Variants in KIF2C observed in about 807,000 individuals in gnomAD.
The protein encoded by KIF2C is kinesin family member 2C.
KIF2C carries 34 observed loss-of-function variants against 97.4 expected under a neutral mutation model. The ratio of observed to expected loss-of-function variants is 0.35; its 90% CI spans 0.27 to 0.46. The LOEUF (loss-of-function observed/expected upper bound fraction) is 0.46, where lower values mean the gene tolerates loss of function less well. KIF2C is among the 20% of genes least tolerant of loss of function. KIF2C has a pLI of 1.00. For synonymous variants in KIF2C, 313 were observed against 318.2 expected, an observed-to-expected ratio of 0.98 and a Z score of 0.17; for missense variants, 750 against 907.6, an observed-to-expected ratio of 0.83 and a Z score of 2.23.
intron 19 of KIF2C, among the ~76,000 whole-genome samples, chr1:44,764,032 C>T (rs1180124970): frequency 7.4e-6 from 1 of 134,838 alleles, no homozygotes; most frequent in Non-Finnish European, 1.5e-5. Flanking sequence ...GACTCCATCT[C>T]AGAAAAAAAA....
intron 20 of KIF2C, 25 bp from the exon 21 acceptor site, chr1:44,767,072 T>C (rs373964476): frequency 1.1e-4 from 179 of 1,613,130 alleles, no homozygotes; most frequent in Non-Finnish European, 1.4e-4. Flanking sequence ...ACTAACCCCA[T>C]ATGTACCGCT....
At chr1:44,762,518 A>G (rs745972767) in intron 18 of KIF2C, 27 bp from the exon 19 acceptor site, 1 of 1,610,940 alleles carries the variant, frequency 6.2e-7, no homozygotes, top group South Asian at 1.1e-5. Flanking sequence ...TGGGTCACAT[A>G]ATTGTCTTTC....
chr1:44,762,019 G>A, intron 17 of KIF2C, 36 bp downstream of exon 17: 2 of 1,585,030 alleles, frequency 1.3e-6, no homozygotes, highest in African/African-American at 1.3e-5. Flanking sequence ...ATGCGGAACA[G>A]GACTGGGCAA....
intron 3 of KIF2C, 44 bp downstream of exon 3, chr1:44,747,529 C>G: frequency 1.3e-6 from 2 of 1,581,758 alleles, no homozygotes; most frequent in South Asian, 1.1e-5. Flanking sequence ...CCAGAGAATT[C>G]ACTTTGCTTA....
At chr1:44,742,493 G>A (rs1049258511) in intron 2 of KIF2C, among the ~76,000 whole-genome samples, 34 of 151,734 alleles carry the variant, frequency 2.2e-4, no homozygotes, top group Admixed American at 5.2e-4. Context: ...CGAGGTGGGC[G>A]GATCACTTGA....
chr1:44,756,989 C>G (rs1487770407), intron 10 of KIF2C, among the ~76,000 whole-genome samples: 1 of 152,078 alleles, frequency 6.6e-6, no homozygotes, highest in African/African-American at 2.4e-5. Flanking sequence ...GAGATCTCAG[C>G]TCACTGCAAC....
intron 5 of KIF2C, among the ~76,000 whole-genome samples, chr1:44,751,076 CA>C (rs1298172385): frequency 6.6e-6 from 1 of 152,242 alleles, no homozygotes; most frequent in Non-Finnish European, 1.5e-5. Context: ...AGAGCATTAA[CA>C]GAACTTCAAA....
Position 44,756,106 on chromosome 1 carries a change from C to T in KIF2C, c.846C>T (p.Ser282=), listed in dbSNP as rs1370128087. The T allele has an allele frequency of 6.2e-7, 1 of 1,614,026 alleles. No homozygotes were observed. Among genetic ancestry groups the T allele is most frequent in the Non-Finnish European group, 8.5e-7 (1 of 1,180,034 alleles). The change falls in exon 10 of 21, where the codon TCC becomes TCT. Residue 282 remains serine (S), a synonymous_variant. Transcript: ENST00000372224. Reference sequence around the variant, plus strand: ...CCAAGAAAGAAATTGATGTGATTTCCATTCCTAGCAAGTGTCTCCTCTTGG... The same window carrying T: ...CCAAGAAAGAAATTGATGTGATTTCTATTCCTAGCAAGTGTCTCCTCTTGG... The part of the protein sequence containing the change: ...ELAKKEIDVI[S]IPSKCLLLVH...
chr1:44,742,121 T>G (rs1648964918), intron 2 of KIF2C, among the ~76,000 whole-genome samples: 1 of 151,768 alleles, frequency 6.6e-6, no homozygotes. Context: ...GTTTGTTTGT[T>G]TGTTTTGAGA....
At chr1:44,757,746 C>A in intron 11 of KIF2C, 100 bp downstream of exon 11, 1 of 1,085,228 alleles carries the variant, frequency 9.2e-7, no homozygotes, top group African/African-American at 1.6e-5. Flanking sequence ...CCCCTTGTTA[C>A]AGATGCCCCA....
intron 19 of KIF2C, 39 bp downstream of exon 19, chr1:44,762,697 C>A: frequency 7.5e-7 from 1 of 1,342,230 alleles, no homozygotes. Context: ...GGATGCAGCA[C>A]GGCCCTCAGT....
At position 44,745,800 on chromosome 1, in the gene KIF2C, T is replaced by C. The variant is rs141244435; in HGVS notation, c.166-1584T>C. Among the ~76,000 whole-genome samples, 742 of 151,972 alleles carry C rather than the reference T, an allele frequency of 4.9e-3. 4 individuals carry two copies. The highest frequency in any genetic ancestry group is 0.017 in the African/African-American group (704 of 41,458). On this transcript the variant is annotated intron_variant, in intron 2 of 20. Coordinates refer to ENST00000372224, the MANE Select transcript of KIF2C (RefSeq NM_006845.4). Reference sequence around the variant, plus strand: ...ATGTCTTAATTCATCTTTGACTACCTTCCCCCTGTAGGCTGCTGTCTTCGT... The same window carrying C: ...ATGTCTTAATTCATCTTTGACTACCCTCCCCCTGTAGGCTGCTGTCTTCGT...
intron 17 of KIF2C, 140 bp downstream of exon 17, chr1:44,762,123 G>A (rs977068594): frequency 1.9e-5 from 17 of 886,174 alleles, no homozygotes; most frequent in Non-Finnish European, 2.3e-5. Flanking sequence ...TGGGAGTTCC[G>A]CCGTGATGCT....
At position 44,760,722 on chromosome 1, in the gene KIF2C, A is replaced by C; in HGVS notation, c.1683+20A>C. 6.3e-7 allele frequency: 1 copy of C among 1,579,024 alleles called. No individual in the cohort carries two copies. The highest frequency in any genetic ancestry group is 8.7e-7 in the Non-Finnish European group (1 of 1,148,472). On this transcript the variant is annotated intron_variant, in intron 16 of 20. Coordinates refer to ENST00000372224, the MANE Select transcript of KIF2C (RefSeq NM_006845.4). The surrounding 1 kb of genome is among the most constrained non-coding windows in gnomAD (Gnocchi z 4.2). ...TGCATGGTGAGTAGGGTCACTTTGA[A>C]GGTGATGGTACAGGAGGAGACAGAG...
chr1:44,762,391 G>A lies in KIF2C; in HGVS notation c.1797G>A (p.Leu599=), dbSNP rs1650207391. ...SPHSGPSGEQ[L]IQMETEEMEA... The stretch of plus-strand genomic sequence containing the variant: ...ACAGTGGGCCCAGTGGAGAGCAGTT[G>A]ATTCAAATGGAAACAGAAGAGATGG... Residue 599 remains leucine, a synonymous_variant, in exon 18 of 21, where the codon TTG becomes TTA. Transcript: ENST00000372224. The A allele has an allele frequency of 1.2e-6, 2 of 1,614,130 alleles. No individual in the cohort carries two copies. Among genetic ancestry groups the A allele is most frequent in the East Asian group, 4.5e-5 (2 of 44,878 alleles).
At chr1:44,746,503 TC>T in intron 2 of KIF2C, 1 of 1,282,002 alleles carries the variant, frequency 7.8e-7, no homozygotes, top group Non-Finnish European at 9.8e-7. Context: ...GCCCATAAGA[TC>T]CTAAAGGGCC....
chr1:44,766,806 A>C lies in KIF2C; in HGVS notation c.1972-20A>C, dbSNP rs41310428. On this transcript the variant is annotated intron_variant, in intron 19 of 20. Transcript: ENST00000372224. ...TTGCTAAATGGTTATTGAACTGACAAGGTCCTCCCTGTGTTGTAGCAAGGA... is the reference window on the plus strand; with the variant it reads ...TTGCTAAATGGTTATTGAACTGACACGGTCCTCCCTGTGTTGTAGCAAGGA... 2.8e-3 allele frequency: 4,456 copies of C among 1,613,154 alleles called. 20 individuals carry two copies. The highest frequency in any genetic ancestry group is 0.012 in the Middle Eastern group (72 of 6,056).
chr1:44,753,863 T>G (rs1180139210), intron 7 of KIF2C, 30 bp downstream of exon 7: 2 of 1,417,018 alleles, frequency 1.4e-6, no homozygotes, highest in Non-Finnish European at 2.0e-6. Flanking sequence ...AGGGTAAGGG[T>G]TTTTGGACAG....
At position 44,753,958 on chromosome 1, in the gene KIF2C, CTTTTTT is replaced by C. The variant is rs34685023; in HGVS notation, c.663+147_663+152del. The stretch of plus-strand genomic sequence containing the variant: ...GGCTCCAGTTCTTGAGGCCCCAATT[CTTTTTT>C]TTTTTTTTTTTTTTTTTTTTTGCTC... On this transcript the variant is annotated intron_variant, in intron 7 of 20. Transcript: ENST00000372224. 665 of 67,814 alleles carry C rather than the reference CTTTTTT, an allele frequency of 9.8e-3. 2 individuals carry two copies. Among genetic ancestry groups the C allele is most frequent in the East Asian group, 0.018 (45 of 2,546 alleles). 4.2% of individuals were successfully genotyped at this position (67,814 alleles called of 1,614,324 possible). A position where few individuals can be genotyped will look rare whatever the true frequency, so the allele number is the denominator to read the frequency against.
Sources: gnomAD v4.1 joint callset for allele counts (sites outside exome capture counted in the v4.1 genomes callset) on GRCh38, gnomAD v4.1.1 for gene constraint, Gnocchi (gnomAD v3.1) non-coding constraint, MANE v1.5 for transcripts, NCBI Gene and HGNC (gene_info 2026-07-23, HGNC 2026-07-21) for gene names.